ERICH5: variants seen among roughly 807,000 people sequenced by gnomAD.
The protein encoded by ERICH5 is glutamate rich 5, also known as glutamate-rich protein 5.
A neutral mutation model predicts 28.0 loss-of-function variants in ERICH5; 24 were observed. That is an observed-to-expected ratio of 0.86 (90% confidence interval 0.62 to 1.21). The LOEUF (loss-of-function observed/expected upper bound fraction) is 1.21. ERICH5 is among the 50% of genes most tolerant of loss of function. The probability of loss-of-function intolerance (pLI) is 0.00; values close to 1 mark genes in which losing one functional copy is unlikely to be tolerated. For synonymous variants in ERICH5, 163 were observed against 157.6 expected, an observed-to-expected ratio of 1.03 and a Z score of -0.25; for missense variants, 421 against 441.2, an observed-to-expected ratio of 0.95 and a Z score of 0.41.
At chr8:98,073,478 A>C (rs1227310801) in intron 1 of ERICH5, among the ~76,000 whole-genome samples, 1 of 1,728 alleles carries the variant, frequency 5.8e-4, no homozygotes, top group African/African-American at 2.2e-3. Context: ...ATATATATAT[A>C]TATATATGTA....
chr8:98,088,527 C>T (rs751895309), intron 1 of ERICH5, among the ~76,000 whole-genome samples: 3 of 152,184 alleles, frequency 2.0e-5, no homozygotes, highest in African/African-American at 7.2e-5. Context: ...TCCCAGACAT[C>T]TTAGCCTTTA....
chr8:98,064,653 T>C lies in ERICH5; in HGVS notation c.-17T>C. 1 of 1,523,474 alleles carries C rather than the reference T, an allele frequency of 6.6e-7. No homozygotes were observed. The highest frequency in any genetic ancestry group is 8.8e-7 in the Non-Finnish European group (1 of 1,133,558). 94.4% of individuals were successfully genotyped at this position (1,523,474 alleles called of 1,614,324 possible). On this transcript the variant is annotated 5_prime_UTR_variant, in exon 1 of 3. Coordinates refer to ENST00000318528, the MANE Select transcript of ERICH5 (RefSeq NM_173549.3). ...GACACCCGCGCAGGGCTGAGACAGG[T>C]GTCTGCGCTCCCCGCAATGGGCTGC...
chr8:98,093,254 A>C lies in ERICH5; in HGVS notation c.1046A>C (p.Glu349Ala), dbSNP rs1364248989. The change falls in exon 3 of 3, where the codon GAG becomes GCG. Residue 349 changes from glutamate to alanine, a missense_variant. Physicochemically the swap from Glu to Ala is moderately radical, Grantham distance 107. Coordinates refer to ENST00000318528, the MANE Select transcript of ERICH5 (RefSeq NM_173549.3). ...ETGEKVETDM[E>A]NEKVSEGAET... ...GGGGAAAAGGTGGAAACAGACATGG[A>C]GAATGAGAAAGTGAGTGAAGGGGCT... 6.2e-7 allele frequency: 1 copy of C among 1,614,014 alleles called. No homozygotes were observed. The highest frequency in any genetic ancestry group is 8.5e-7 in the Non-Finnish European group (1 of 1,179,934).
intron 2 of ERICH5, among the ~76,000 whole-genome samples, chr8:98,090,604 A>G (rs918028857): frequency 1.3e-5 from 2 of 151,712 alleles, no homozygotes; most frequent in Non-Finnish European, 1.5e-5. Flanking sequence ...TCTCCAGAAA[A>G]AAAAAAAAAA....
Position 98,089,823 on chromosome 8 carries a change from AAGT to A in ERICH5, c.808_810del (p.Val270del), listed in dbSNP as rs1815349485. 6.2e-7 allele frequency: 1 copy of A among 1,614,078 alleles called. No individual in the cohort carries two copies. Among genetic ancestry groups the A allele is most frequent in the Non-Finnish European group, 8.5e-7 (1 of 1,180,038 alleles). On this transcript the variant is annotated inframe_deletion, in exon 2 of 3. Coordinates refer to ENST00000318528, the MANE Select transcript of ERICH5 (RefSeq NM_173549.3). Reference sequence around the variant, plus strand: ...ATTCCCAAAGAGAATGTAACACCAGAAGTATTGGACAGAAGTCAGCTTGTGGAA... The same window carrying A: ...ATTCCCAAAGAGAATGTAACACCAGAATTGGACAGAAGTCAGCTTGTGGAA...
At chr8:98,075,309 A>T (rs370066662) in intron 1 of ERICH5, among the ~76,000 whole-genome samples, 1 of 152,188 alleles carries the variant, frequency 6.6e-6, no homozygotes. Flanking sequence ...GGTCAAACCT[A>T]CTTCCTAAGT....
intron 1 of ERICH5, among the ~76,000 whole-genome samples, chr8:98,070,182 C>T (rs1163706037): frequency 6.6e-6 from 1 of 152,056 alleles, no homozygotes; most frequent in Non-Finnish European, 1.5e-5. Context: ...CATCTGGGAT[C>T]TGGTCCTAGT....
intron 2 of ERICH5, among the ~76,000 whole-genome samples, chr8:98,091,836 T>TTTTCTTTCTTTCTTTCTTTCTTTCTTTC (rs3074382): frequency 1.9e-5 from 2 of 107,226 alleles, no homozygotes; most frequent in Admixed American, 9.9e-5. Flanking sequence ...TTCTTTTTCT[T>TTTTCTTTCTTTCTTTCTTTCTTTCTTTC]TTTCTTTCTT....
rs549889116 is a variant in ERICH5 at position 98,064,582 on chromosome 8, T to G, written c.-88T>G. On this transcript the variant is annotated 5_prime_UTR_variant, in exon 1 of 3. Transcript: ENST00000318528. ...AGCCGGGCTGCAGAGCTGGAGAAACTTCCGCGGCTACGGGTGCAGTTGCCT... is the reference window on the plus strand; with the variant it reads ...AGCCGGGCTGCAGAGCTGGAGAAACGTCCGCGGCTACGGGTGCAGTTGCCT... The G allele has an allele frequency of 7.5e-6, 9 of 1,204,782 alleles. No homozygotes were observed. In the East Asian group the frequency reaches 2.5e-4, roughly 34 times the overall value. 74.6% of individuals were successfully genotyped at this position (1,204,782 alleles called of 1,614,324 possible). A position where few individuals can be genotyped will look rare whatever the true frequency, so the allele number is the denominator to read the frequency against.
chr8:98,081,541 C>T (rs1815182895), intron 1 of ERICH5, among the ~76,000 whole-genome samples: 1 of 152,202 alleles, frequency 6.6e-6, no homozygotes, highest in South Asian at 2.1e-4. Flanking sequence ...ATCCTCATGT[C>T]AGTTCCCTGG....
At chr8:98,076,243 G>A (rs1446031192) in intron 1 of ERICH5, among the ~76,000 whole-genome samples, 5 of 151,822 alleles carry the variant, frequency 3.3e-5, no homozygotes, top group Middle Eastern at 3.2e-3. Context: ...TTGTACAGAC[G>A]GGATTTCACT....
In ERICH5 at chr8:98,091,781, CT is replaced by C. The variant is rs200136872; in HGVS notation, c.1013-1439del. 1.2e-3 allele frequency among the ~76,000 whole-genome samples: 183 copies of C among 152,320 alleles called. 2 individuals are homozygous for C. In the East Asian group the frequency reaches 0.03, roughly 25 times the overall value. On this transcript the variant is annotated intron_variant, in intron 2 of 2. Transcript: ENST00000318528. Reference sequence around the variant, plus strand: ...AAGCCAGACAGGTTTAGGGGCACCCCTGGACCACCCTTTGATTTAGATACAA... The same window carrying C: ...AAGCCAGACAGGTTTAGGGGCACCCCGGACCACCCTTTGATTTAGATACAA...
intron 2 of ERICH5, among the ~76,000 whole-genome samples, chr8:98,091,927 T>TCTCTC (rs1163775939): frequency 1.4e-5 from 1 of 72,826 alleles, no homozygotes; most frequent in Admixed American, 1.7e-4. Context: ...CTTCCTTTCT[T>TCTCTC]TCTTTCTTCC....
chr8:98,075,310 C>CTTCCTAAGTTGCAGCTTTT (rs1487251976), intron 1 of ERICH5, among the ~76,000 whole-genome samples: 7 of 152,190 alleles, frequency 4.6e-5, no homozygotes, highest in Non-Finnish European at 1.0e-4. Flanking sequence ...GTCAAACCTA[C>CTTCCTAAGTTGCAGCTTTT]TTCCTAAGTT....
intron 1 of ERICH5, among the ~76,000 whole-genome samples, chr8:98,082,400 C>A (rs1262515649): frequency 6.6e-6 from 1 of 152,136 alleles, no homozygotes; most frequent in South Asian, 2.1e-4. Flanking sequence ...AATCCCAACA[C>A]TTCAGGAGGT....
chr8:98,091,924 T>TCTTTCTTC (rs1815409990), intron 2 of ERICH5, among the ~76,000 whole-genome samples: 1 of 72,430 alleles, frequency 1.4e-5, no homozygotes, highest in South Asian at 5.1e-4. Flanking sequence ...TTTCTTCCTT[T>TCTTTCTTC]CTTTCTTTCT....
chr8:98,089,174 A>G lies in ERICH5; in HGVS notation c.157A>G (p.Asn53Asp), dbSNP rs374314399. The change falls in exon 2 of 3, where the codon AAT (asparagine) becomes GAT (aspartate). Residue 53 changes from asparagine to aspartate, a missense_variant. Physicochemically the swap from Asn to Asp is conservative, Grantham distance 23. Coordinates refer to ENST00000318528, the MANE Select transcript of ERICH5 (RefSeq NM_173549.3). ...GGGAAGAGAATCTACTGTTGATGGC[A>G]ATGTACAAAGGGAAAGCCGTCCTCC... ...ALGRESTVDG[N>D]VQRESRPPLQ... The G allele has an allele frequency of 6.6e-5, 106 of 1,614,094 alleles. 1 individual carries two copies. Among genetic ancestry groups the G allele is most frequent in the Non-Finnish European group, 8.8e-5 (104 of 1,180,046 alleles).
rs369795643 is a variant in ERICH5, at chr8:98,081,086, TTCTC to T, written c.59-7972_59-7969del. Among the ~76,000 whole-genome samples the T allele has an allele frequency of 6.6e-3, 991 of 149,732 alleles. 10 individuals carry two copies. The highest frequency in any genetic ancestry group is 0.021 in the African/African-American group (851 of 40,840). On this transcript the variant is annotated intron_variant, in intron 1 of 2. Coordinates refer to ENST00000318528, the MANE Select transcript of ERICH5 (RefSeq NM_173549.3). ...TTTCTGTTTGTACATCATAATTTCTTTCTCTCTCTCTCTCTCTCTCTTTTTTTCT... is the reference window on the plus strand; with the variant it reads ...TTTCTGTTTGTACATCATAATTTCTTTCTCTCTCTCTCTCTCTTTTTTTCT...
At chr8:98,090,557 G>T (rs1815365936) in intron 2 of ERICH5, among the ~76,000 whole-genome samples, 1 of 150,082 alleles carries the variant, frequency 6.7e-6, no homozygotes, top group Non-Finnish European at 1.5e-5. Flanking sequence ...GAGCCCAGCA[G>T]TTCATGACCT....
Sources: gnomAD v4.1 joint callset for allele counts (sites outside exome capture counted in the v4.1 genomes callset) on GRCh38, gnomAD v4.1.1 for gene constraint, MANE v1.5 for transcripts, NCBI Gene and HGNC (gene_info 2026-07-23, HGNC 2026-07-21) for gene names.